RPS6KA2: variants seen among roughly 807,000 people sequenced by gnomAD.
RPS6KA2 encodes ribosomal protein S6 kinase alpha-2.
RPS6KA2 carries 42 observed loss-of-function variants against 91.8 expected under a neutral mutation model. That is an observed-to-expected ratio of 0.46 (90% confidence interval 0.36 to 0.59). The LOEUF (loss-of-function observed/expected upper bound fraction) is 0.59, where lower values mean the gene tolerates loss of function less well. RPS6KA2 is among the 20% of genes least tolerant of loss of function. RPS6KA2 has a pLI of 0.00. For missense variants in RPS6KA2, 798 were observed against 978.5 expected, an observed-to-expected ratio of 0.82 and a Z score of 2.46; for synonymous variants, 414 against 393.6, an observed-to-expected ratio of 1.05 and a Z score of -0.61.
intron 2 of RPS6KA2, among the ~76,000 whole-genome samples, chr6:166,831,860 T>C (rs1297101017): frequency 1.3e-5 from 2 of 151,506 alleles, no homozygotes; most frequent in African/African-American, 4.9e-5. Flanking sequence ...TATAGATACA[T>C]ATATACATAG....
intron 2 of RPS6KA2, among the ~76,000 whole-genome samples, chr6:166,653,296 T>C (rs938670272): frequency 6.6e-6 from 1 of 152,150 alleles, no homozygotes; most frequent in Admixed American, 6.5e-5. Context: ...TCTGGCCTCA[T>C]GTAATCCGCC....
intron 8 of RPS6KA2, among the ~76,000 whole-genome samples, chr6:166,497,311 C>T (rs1255948777): frequency 6.6e-6 from 1 of 152,240 alleles, no homozygotes; most frequent in African/African-American, 2.4e-5. Flanking sequence ...TGCCTGTGCT[C>T]ACGTGTTGAA....
At chr6:166,703,512 T>C (rs1218430008) in intron 2 of RPS6KA2, among the ~76,000 whole-genome samples, 1 of 152,264 alleles carries the variant, frequency 6.6e-6, no homozygotes, top group Non-Finnish European at 1.5e-5. Flanking sequence ...AGATACCGTG[T>C]AGTTTATAAT....
At chr6:166,810,609 T>G (rs1403390420) in intron 2 of RPS6KA2, among the ~76,000 whole-genome samples, 1 of 152,212 alleles carries the variant, frequency 6.6e-6, no homozygotes, top group African/African-American at 2.4e-5. Context: ...GTAAGTTGCC[T>G]TTGTGGGTCG....
chr6:166,681,693 C>CA, intron 2 of RPS6KA2, among the ~76,000 whole-genome samples: 1 of 66,948 alleles, frequency 1.5e-5, no homozygotes, highest in African/African-American at 8.4e-5. Context: ...CCTGCCCGCC[C>CA]CCCCCCCCGC....
In RPS6KA2 at chr6:166,533,051, G is replaced by C. The variant is rs1783347791; in HGVS notation, c.217-1738C>G. Among the ~76,000 whole-genome samples the C allele has an allele frequency of 1.3e-5, 2 of 152,168 alleles. No individual in the cohort carries two copies. The highest frequency in any genetic ancestry group is 4.8e-5 in the African/African-American group (2 of 41,440). ...TGCACATGGAAGGACTCTGCCTCAG[G>C]GTGTTCCCTCTGTGCAGTGGGCGAG... On this transcript the variant is annotated intron_variant, in intron 2 of 20. Coordinates refer to ENST00000265678, the MANE Select transcript of RPS6KA2 (RefSeq NM_021135.6). This position sits in a 1 kb window ranked among gnomAD's most constrained non-coding sequence, Gnocchi z 4.0.
intron 2 of RPS6KA2, among the ~76,000 whole-genome samples, chr6:166,698,245 C>T (rs148360284): frequency 2.1e-3 from 314 of 152,296 alleles, no homozygotes; most frequent in Non-Finnish European, 3.7e-3. Flanking sequence ...TTCTTCATAT[C>T]ACCAGAAGGG....
intron 16 of RPS6KA2, among the ~76,000 whole-genome samples, chr6:166,424,536 G>C (rs1778841498): frequency 6.6e-6 from 1 of 152,336 alleles, no homozygotes; most frequent in Middle Eastern, 3.4e-3. Context: ...GCCTCCCTGT[G>C]AGGCCAGGGC....
chr6:166,637,869 C>T (rs1787297595), intron 2 of RPS6KA2, among the ~76,000 whole-genome samples: 1 of 152,234 alleles, frequency 6.6e-6, no homozygotes, highest in Non-Finnish European at 1.5e-5. Flanking sequence ...AGCCCACTCC[C>T]CAAAGTGGGG....
intron 1 of RPS6KA2, among the ~76,000 whole-genome samples, chr6:166,585,925 T>A (rs1398791004): frequency 8.2e-5 from 2 of 24,432 alleles, no homozygotes; most frequent in Non-Finnish European, 1.4e-4. Context: ...TCAAGCAATA[T>A]AATCCACAGT....
intron 1 of RPS6KA2, among the ~76,000 whole-genome samples, chr6:166,581,248 T>G (rs186514833): frequency 1.3e-5 from 2 of 152,290 alleles, no homozygotes; most frequent in African/African-American, 4.8e-5. Flanking sequence ...TATGTGAAAA[T>G]CCACTCAAAC....
At chr6:166,631,095 G>A (rs1444963917), upstream of RPS6KA2, among the ~76,000 whole-genome samples, 2 of 152,210 alleles carry the variant, frequency 1.3e-5, no homozygotes, top group Non-Finnish European at 2.9e-5. Flanking sequence ...TGCCAACCAA[G>A]CCATGTCAGA....
chr6:166,729,529 A>T (rs918323772), intron 2 of RPS6KA2, among the ~76,000 whole-genome samples: 5 of 152,082 alleles, frequency 3.3e-5, no homozygotes, highest in Non-Finnish European at 4.4e-5. Flanking sequence ...TTTTGCAGAG[A>T]TGGAATTTTG....
At chr6:166,844,941 A>C (rs1780570841) in intron 2 of RPS6KA2, among the ~76,000 whole-genome samples, 1 of 152,192 alleles carries the variant, frequency 6.6e-6, no homozygotes, top group Admixed American at 6.5e-5. Flanking sequence ...TCTCAACACT[A>C]ACATTGAATG....
chr6:166,644,270 G>A (rs1414924300), intron 2 of RPS6KA2, among the ~76,000 whole-genome samples: 1 of 152,098 alleles, frequency 6.6e-6, no homozygotes, highest in Non-Finnish European at 1.5e-5. Context: ...CGAAAAGAAA[G>A]GGAATTATCT....
At chr6:166,534,345 AG>A (rs1366651434) in intron 2 of RPS6KA2, among the ~76,000 whole-genome samples, 2 of 152,068 alleles carry the variant, frequency 1.3e-5, no homozygotes, top group East Asian at 3.9e-4. Context: ...GCTTGAGCCC[AG>A]GAGTTTGCAA....
chr6:166,524,764 C>T (rs140991209), intron 3 of RPS6KA2, among the ~76,000 whole-genome samples: 43 of 152,294 alleles, frequency 2.8e-4, no homozygotes, highest in Non-Finnish European at 5.9e-4. Flanking sequence ...GGGTAGTTAT[C>T]TGTTAATACA....
At chr6:166,826,401 C>T (rs1040209802) in intron 2 of RPS6KA2, among the ~76,000 whole-genome samples, 1 of 152,222 alleles carries the variant, frequency 6.6e-6, no homozygotes, top group African/African-American at 2.4e-5. Context: ...TTTGCTCACA[C>T]TGTAGGACTC....
Position 166,616,154 on chromosome 6 carries a change from C to A in RPS6KA2, c.99+10767G>T, listed in dbSNP as rs201420679. 2.0e-4 allele frequency among the ~76,000 whole-genome samples: 31 copies of A among 152,276 alleles called. No homozygotes were observed. The East Asian group carries it at 5.6e-3, about 28-fold the overall frequency. The stretch of plus-strand genomic sequence containing the variant: ...ACCTGCCATGCCACCTGAGAGCCCC[C>A]CAGCACTCTGGAGTTTCATTTATTA... On this transcript the variant is annotated intron_variant, in intron 1 of 20. Transcript: ENST00000265678.
Sources: allele counts gnomAD v4.1 joint callset (sites outside exome capture counted in the v4.1 genomes callset), GRCh38; gene constraint gnomAD v4.1.1; non-coding constraint Gnocchi (gnomAD v3.1); transcripts MANE v1.5; gene names NCBI Gene and HGNC (gene_info 2026-07-23, HGNC 2026-07-21).